Variants in ZNF407 observed in about 807,000 individuals in gnomAD.
ZNF407 encodes zinc finger protein 407.
In ZNF407, 17 loss-of-function variants were observed where a neutral mutation model predicts 131.2. The ratio of observed to expected loss-of-function variants is 0.13; its 90% CI spans 0.09 to 0.19. The LOEUF is 0.19. ZNF407 is among the 10% of genes least tolerant of loss of function. The probability of loss-of-function intolerance (pLI) is 1.00; values close to 1 mark genes in which losing one functional copy is unlikely to be tolerated. For synonymous variants in ZNF407, 1,156 were observed against 1,062.0 expected, an observed-to-expected ratio of 1.09 and a Z score of -1.72; for missense variants, 2,681 against 2,830.6, an observed-to-expected ratio of 0.95 and a Z score of 1.20.
chr18:74,998,776 G>T (rs1051279127), intron 8 of ZNF407, among the ~76,000 whole-genome samples: 131 of 97,072 alleles, frequency 1.3e-3, no homozygotes, highest in African/African-American at 5.5e-3. Flanking sequence ...CAACCATTGT[G>T]GAAGTCAGTG....
intron 8 of ZNF407, among the ~76,000 whole-genome samples, chr18:75,034,451 G>C (rs552773564): frequency 6.6e-6 from 1 of 151,688 alleles, no homozygotes; most frequent in African/African-American, 2.4e-5. Context: ...CTACAGGTGC[G>C]CGCCACCATG....
intron 3 of ZNF407, among the ~76,000 whole-genome samples, chr18:74,764,094 T>A (rs925876916): frequency 6.6e-6 from 1 of 152,174 alleles, no homozygotes; most frequent in Non-Finnish European, 1.5e-5. Context: ...TTCCTTCATG[T>A]TTGCTTTGTT....
At chr18:74,993,582 T>C (rs898897492) in intron 8 of ZNF407, among the ~76,000 whole-genome samples, 4 of 152,206 alleles carry the variant, frequency 2.6e-5, no homozygotes, top group African/African-American at 9.6e-5. Context: ...TCAAAACTCA[T>C]TGAGCTATAC....
Position 74,808,437 on chromosome 18 carries a change from T to G in ZNF407, c.4877+26935T>G, listed in dbSNP as rs370671448. Among the ~76,000 whole-genome samples, 23 of 152,358 alleles carry G rather than the reference T, an allele frequency of 1.5e-4. No individual in the cohort carries two copies. In the East Asian group the frequency reaches 3.9e-3, roughly 26 times the overall value. On this transcript the variant is annotated intron_variant, in intron 4 of 8. Coordinates refer to ENST00000299687, the MANE Select transcript of ZNF407 (RefSeq NM_017757.3). ...GAAACAACAAAGTCTATAAAGAGTT[T>G]GATAATTATTAAGCATAAAATGTAT...
At chr18:75,021,281 A>G (rs1324083219) in intron 8 of ZNF407, among the ~76,000 whole-genome samples, 4 of 150,540 alleles carry the variant, frequency 2.7e-5, no homozygotes, top group African/African-American at 9.7e-5. Flanking sequence ...AAAAAAAAAA[A>G]TAATAAAGAC....
At chr18:74,810,420 T>C (rs180929759) in intron 4 of ZNF407, among the ~76,000 whole-genome samples, 2 of 152,020 alleles carry the variant, frequency 1.3e-5, no homozygotes, top group Admixed American at 1.3e-4. Context: ...AGGATTCTGC[T>C]GTGAAATTCA....
At chr18:74,852,416 A>G (rs1271452305) in intron 4 of ZNF407, among the ~76,000 whole-genome samples, 1 of 152,096 alleles carries the variant, frequency 6.6e-6, no homozygotes, top group Non-Finnish European at 1.5e-5. Context: ...AACTAAGATA[A>G]TTTTCACATT....
intron 4 of ZNF407, among the ~76,000 whole-genome samples, chr18:74,831,496 G>A (rs79488995): frequency 0.026 from 3,984 of 152,170 alleles, 165 homozygotes; most frequent in African/African-American, 0.09. Flanking sequence ...GGAACCTTAT[G>A]TAAGTGCAGT....
rs763946266 is a variant in ZNF407 at position 75,063,169 on chromosome 18, C to T, written c.5448C>T (p.Tyr1816=). The T allele has an allele frequency of 2.1e-5, 34 of 1,589,596 alleles. No individual in the cohort carries two copies. The highest frequency in any genetic ancestry group is 1.3e-4 in the Admixed American group (7 of 55,928). ...YLHAGIVSKS[Y]ECRLKGQGAT... ...CCTTAGGCATTGTTTCCAAGTCGTA[C>T]GAGTGCCGTCTAAAGGGACAAGGAG... is the stretch of plus-strand genomic sequence containing the variant. The change falls in exon 9 of 9, where the codon TAC becomes TAT. Residue 1816 remains tyrosine, a synonymous_variant. Transcript: ENST00000299687. The surrounding 1 kb of genome is among the most constrained non-coding windows in gnomAD (Gnocchi z 6.6).
chr18:74,934,060 T>G (rs1972012239), intron 8 of ZNF407, among the ~76,000 whole-genome samples: 1 of 152,164 alleles, frequency 6.6e-6, no homozygotes, highest in South Asian at 2.1e-4. Flanking sequence ...GTCTAGATGC[T>G]TCTAAAAAGC....
At chr18:74,909,953 T>C (rs1252699782) in intron 7 of ZNF407, among the ~76,000 whole-genome samples, 1 of 152,162 alleles carries the variant, frequency 6.6e-6, no homozygotes, top group Non-Finnish European at 1.5e-5. Context: ...TCTCTTGTTG[T>C]AAATAAACTA....
chr18:74,850,394 G>T (rs1023491260), intron 4 of ZNF407, among the ~76,000 whole-genome samples: 4 of 152,028 alleles, frequency 2.6e-5, no homozygotes, highest in African/African-American at 4.8e-5. Flanking sequence ...CTTAATTGAT[G>T]TCCAGGGTGT....
chr18:74,778,558 G>A lies in ZNF407; in HGVS notation c.4803-2870G>A, dbSNP rs117263210. Among the ~76,000 whole-genome samples the A allele has an allele frequency of 1.6e-3, 246 of 151,748 alleles. 2 individuals are homozygous for A. The highest frequency in any genetic ancestry group is 3.0e-3 in the Non-Finnish European group (203 of 67,910). On this transcript the variant is annotated intron_variant, in intron 3 of 8. Transcript: ENST00000299687. ...TTTTTGAGGGCAGGGACTTTTATTTGTTTTAGTCACCTGTGCATCACAGCT... is the reference window on the plus strand; with the variant it reads ...TTTTTGAGGGCAGGGACTTTTATTTATTTTAGTCACCTGTGCATCACAGCT...
At chr18:74,843,027 T>C (rs1413420362) in intron 4 of ZNF407, among the ~76,000 whole-genome samples, 3 of 152,180 alleles carry the variant, frequency 2.0e-5, no homozygotes, top group Non-Finnish European at 4.4e-5. Flanking sequence ...TTCTGTGTTA[T>C]TTAATACTAA....
intron 8 of ZNF407, among the ~76,000 whole-genome samples, chr18:74,997,942 C>T (rs1359615441): frequency 6.6e-6 from 1 of 152,158 alleles, no homozygotes; most frequent in Admixed American, 6.5e-5. Flanking sequence ...TTCTGCAATC[C>T]TGATGCCTTA....
At chr18:74,708,958 C>T (rs999137430) in intron 3 of ZNF407, among the ~76,000 whole-genome samples, 1 of 152,188 alleles carries the variant, frequency 6.6e-6, no homozygotes, top group African/African-American at 2.4e-5. Flanking sequence ...TGCTGATAAT[C>T]GTCCCCTATG....
At chr18:74,751,219 ATTTTATAGC>A (rs571914473) in intron 3 of ZNF407, among the ~76,000 whole-genome samples, 5 of 152,104 alleles carry the variant, frequency 3.3e-5, no homozygotes, top group South Asian at 2.1e-4. Flanking sequence ...TTCCTCTAAG[ATTTTATAGC>A]TTTTTACCCC....
chr18:74,790,276 C>T (rs895222929), intron 4 of ZNF407, among the ~76,000 whole-genome samples: 3 of 152,134 alleles, frequency 2.0e-5, no homozygotes, highest in African/African-American at 4.8e-5. Flanking sequence ...ATTTCATTCT[C>T]TTGCCTCTTA....
At chr18:75,028,399 C>T (rs545114645) in intron 8 of ZNF407, among the ~76,000 whole-genome samples, 15 of 150,878 alleles carry the variant, frequency 9.9e-5, no homozygotes, top group Admixed American at 8.6e-4. Flanking sequence ...CTGTAAGGAC[C>T]CTGGTCACAT....
Sources: allele counts gnomAD v4.1 joint callset (sites outside exome capture counted in the v4.1 genomes callset), GRCh38; gene constraint gnomAD v4.1.1; non-coding constraint Gnocchi (gnomAD v3.1); transcripts MANE v1.5; gene names NCBI Gene and HGNC (gene_info 2026-07-23, HGNC 2026-07-21).